DEFB123: variants seen among roughly 807,000 people sequenced by gnomAD.
DEFB123 encodes beta-defensin 123.
For synonymous variants in DEFB123, 22 were observed against 28.3 expected, an observed-to-expected ratio of 0.78 and a Z score of 0.71; for missense variants, 71 against 75.0, an observed-to-expected ratio of 0.95 and a Z score of 0.20.
chr20:31,448,392 A>G (rs1032724697), intron 1 of DEFB123, among the ~76,000 whole-genome samples: 2 of 152,002 alleles, frequency 1.3e-5, no homozygotes, highest in African/African-American at 4.8e-5. Context: ...ATGGGCTTAG[A>G]GTTTTCATCA....
At chr20:31,441,909 C>T (rs1979473513) in intron 1 of DEFB123, among the ~76,000 whole-genome samples, 1 of 152,180 alleles carries the variant, frequency 6.6e-6, no homozygotes, top group African/African-American at 2.4e-5. Flanking sequence ...TCTCAAACTG[C>T]AATAACATCA....
intron 1 of DEFB123, among the ~76,000 whole-genome samples, chr20:31,448,878 A>ATTTTTTTTTTTT (rs34804733): frequency 2.5e-5 from 3 of 119,948 alleles, no homozygotes; most frequent in South Asian, 2.7e-4. Context: ...CGCCCAGCTA[A>ATTTTTTTTTTTT]TTTTTTTTTT....
At chr20:31,445,912 T>C (rs531243210) in intron 1 of DEFB123, among the ~76,000 whole-genome samples, 1 of 152,244 alleles carries the variant, frequency 6.6e-6, no homozygotes, top group Non-Finnish European at 1.5e-5. Flanking sequence ...TTCATTACGA[T>C]CTTTATGCTT....
intron 1 of DEFB123, among the ~76,000 whole-genome samples, chr20:31,444,233 T>G (rs1257333216): frequency 6.6e-6 from 1 of 152,180 alleles, no homozygotes; most frequent in Non-Finnish European, 1.5e-5. Flanking sequence ...AGGAGACATA[T>G]GTAAAGCCCA....
At chr20:31,448,427 T>TA (rs1171120170) in intron 1 of DEFB123, among the ~76,000 whole-genome samples, 1 of 152,170 alleles carries the variant, frequency 6.6e-6, no homozygotes, top group East Asian at 1.9e-4. Flanking sequence ...CAGCCATTAT[T>TA]ACTTCAAATA....
chr20:31,444,401 G>A (rs1322203121), intron 1 of DEFB123, among the ~76,000 whole-genome samples: 2 of 152,022 alleles, frequency 1.3e-5, no homozygotes, highest in African/African-American at 4.8e-5. Flanking sequence ...TCATTAGACT[G>A]GAAGTTCTCT....
At chr20:31,443,810 T>C (rs1195985882) in intron 1 of DEFB123, among the ~76,000 whole-genome samples, 1 of 152,212 alleles carries the variant, frequency 6.6e-6, no homozygotes, top group Non-Finnish European at 1.5e-5. Context: ...GGCAGAGTAT[T>C]TCCCCTCTAC....
chr20:31,447,815 C>T (rs1001796608), intron 1 of DEFB123, among the ~76,000 whole-genome samples: 5 of 113,214 alleles, frequency 4.4e-5, no homozygotes, highest in African/African-American at 6.7e-5. Flanking sequence ...GAGACGGAGT[C>T]CCGCTCTGTC....
At chr20:31,448,541 C>T (rs1600554215) in intron 1 of DEFB123, among the ~76,000 whole-genome samples, 1 of 151,746 alleles carries the variant, frequency 6.6e-6, no homozygotes, top group African/African-American at 2.4e-5. Flanking sequence ...GCTCTTTTTT[C>T]CCCCCATCTT....
intron 1 of DEFB123, among the ~76,000 whole-genome samples, chr20:31,449,345 G>A (rs971405111): frequency 5.3e-5 from 8 of 152,016 alleles, no homozygotes; most frequent in Non-Finnish European, 7.4e-5. Flanking sequence ...CAAGACTGAC[G>A]TTTAAGCTTT....
chr20:31,447,991 T>C (rs1979633094), intron 1 of DEFB123, among the ~76,000 whole-genome samples: 1 of 151,994 alleles, frequency 6.6e-6, no homozygotes, highest in Admixed American at 6.6e-5. Flanking sequence ...TTTCACTGTG[T>C]TAGCCAGGAT....
chr20:31,450,178 C>A lies in DEFB123; in HGVS notation c.*4C>A. 6.3e-7 allele frequency: 1 copy of A among 1,597,302 alleles called. No homozygotes were observed. The highest frequency in any genetic ancestry group is 2.3e-5 in the East Asian group (1 of 44,014). ...AGAAAGGTGGTGGCCATTTTAACTG[C>A]TTTGAAGCCTGAAGCCATGAAAATG... On this transcript the variant is annotated 3_prime_UTR_variant, in exon 2 of 2. Transcript: ENST00000376309.
rs933692647 is a variant in DEFB123, at chr20:31,448,718, T to A, written c.59-1311T>A. ...ATGTGAATATATACATATATATATT[T>A]TTTTTTCTTTGAGACAGAGTTTCGC... On this transcript the variant is annotated intron_variant, in intron 1 of 1. Coordinates refer to ENST00000376309, the MANE Select transcript of DEFB123 (RefSeq NM_153324.4). 4.6e-5 allele frequency among the ~76,000 whole-genome samples: 7 copies of A among 152,036 alleles called. No individual in the cohort carries two copies. In the South Asian group the frequency reaches 1.0e-3, roughly 23 times the overall value.
At chr20:31,443,786 C>T (rs1274197784) in intron 1 of DEFB123, among the ~76,000 whole-genome samples, 1 of 152,186 alleles carries the variant, frequency 6.6e-6, no homozygotes, top group Non-Finnish European at 1.5e-5. Flanking sequence ...CTTCCAGCTT[C>T]CCCAGAAATT....
chr20:31,446,813 A>G (rs745981638), intron 1 of DEFB123, among the ~76,000 whole-genome samples: 6 of 151,924 alleles, frequency 3.9e-5, no homozygotes, highest in Non-Finnish European at 8.8e-5. Flanking sequence ...TATGCTATGA[A>G]CTCCGCAGTA....
intron 1 of DEFB123, among the ~76,000 whole-genome samples, chr20:31,448,563 G>T (rs1979650976): frequency 6.6e-6 from 1 of 151,638 alleles, no homozygotes; most frequent in African/African-American, 2.4e-5. Context: ...TTCTCTCCAT[G>T]TTTCACTTTG....
chr20:31,448,327 G>A (rs1979644146), intron 1 of DEFB123, among the ~76,000 whole-genome samples: 1 of 151,800 alleles, frequency 6.6e-6, no homozygotes, highest in East Asian at 1.9e-4. Context: ...ATGTGCCTTT[G>A]CATGCTTCTC....
intron 1 of DEFB123, among the ~76,000 whole-genome samples, chr20:31,447,829 C>A (rs1189500240): frequency 6.8e-6 from 1 of 147,424 alleles, no homozygotes; most frequent in East Asian, 2.0e-4. Flanking sequence ...CTCTGTCGCC[C>A]AGGCTGGAGT....
rs376954599 is a variant in DEFB123 at position 31,450,161 on chromosome 20, G to A, written c.191G>A (p.Trp64Ter). ...VKPKYQPKERWWPF is the reference protein window; with the variant it reads ...VKPKYQPKER The stretch of plus-strand genomic sequence containing the variant: ...CCCAAGTACCAGCCAAAAGAAAGGT[G>A]GTGGCCATTTTAACTGCTTTGAAGC... Residue 64 changes from tryptophan to a stop codon, truncating the protein, a stop_gained, in exon 2 of 2, where the codon TGG (tryptophan) becomes TAG (stop). Transcript: ENST00000376309. LOFTEE classifies it high-confidence loss of function. 2 of 1,603,948 alleles carry A rather than the reference G, an allele frequency of 1.2e-6. No homozygotes were observed. Among genetic ancestry groups the A allele is most frequent in the African/African-American group, 1.4e-5 (1 of 74,028 alleles).
Sources: gnomAD v4.1 joint callset for allele counts (sites outside exome capture counted in the v4.1 genomes callset) on GRCh38, gnomAD v4.1.1 for gene constraint, MANE v1.5 for transcripts, NCBI Gene and HGNC (gene_info 2026-07-23, HGNC 2026-07-21) for gene names.